EPB41L5: variants seen among roughly 807,000 people sequenced by gnomAD.
EPB41L5 encodes band 4.1-like protein 5.
In EPB41L5, 55 loss-of-function variants were observed where a neutral mutation model predicts 106.6. That is an observed-to-expected ratio of 0.52 (90% CI 0.42 to 0.65). EPB41L5 has a LOEUF of 0.65. Among genes scored for constraint, EPB41L5 ranks in the 30% least tolerant of loss-of-function variants. The pLI is 0.00. For missense variants in EPB41L5, 871 were observed against 882.1 expected (o/e 0.99, Z 0.16); for synonymous variants, 297 against 306.7 (o/e 0.97, Z 0.33).
intron 1 of EPB41L5, 93 bp from the exon 2 acceptor site, chr2:120,018,984 A>C: frequency 9.0e-7 from 1 of 1,113,732 alleles, no homozygotes; most frequent in South Asian, 1.5e-5. Context: ...TAATGTTCAC[A>C]GGACTTGACT....
At chr2:120,110,635 A>ATTTTTTTTTT (rs1234465616) in intron 16 of EPB41L5, among the ~76,000 whole-genome samples, 1 of 118,742 alleles carries the variant, frequency 8.4e-6, no homozygotes, top group Non-Finnish European at 1.8e-5. Flanking sequence ...ACCTTCCCCT[A>ATTTTTTTTTT]TTTTTTTTTT....
chr2:120,095,741 T>C (rs537710902), intron 14 of EPB41L5, among the ~76,000 whole-genome samples: 1 of 152,244 alleles, frequency 6.6e-6, no homozygotes, highest in South Asian at 2.1e-4. Context: ...TGATCTTGGC[T>C]CACTGCAACC....
intron 22 of EPB41L5, among the ~76,000 whole-genome samples, chr2:120,166,971 C>T (rs190401619): frequency 5.3e-4 from 80 of 152,230 alleles, no homozygotes; most frequent in South Asian, 1.5e-3. Context: ...GTTTTTATTG[C>T]GCTTTCTTCA....
chr2:120,168,197 A>G (rs1453897502), intron 24 of EPB41L5, among the ~76,000 whole-genome samples, 190 bp downstream of exon 24: 1 of 152,214 alleles, frequency 6.6e-6, no homozygotes, highest in Non-Finnish European at 1.5e-5. Context: ...TTTCTACAAA[A>G]CTGTATTAGC....
chr2:120,029,438 C>G (rs1357348530), intron 2 of EPB41L5, among the ~76,000 whole-genome samples: 1 of 152,146 alleles, frequency 6.6e-6, no homozygotes, highest in East Asian at 1.9e-4. Flanking sequence ...TGAAGTGATT[C>G]ACCTGCCTCA....
chr2:120,078,451 T>C, intron 9 of EPB41L5, 42 bp from the exon 10 acceptor site: 2 of 1,365,756 alleles, frequency 1.5e-6, no homozygotes, highest in Non-Finnish European at 2.0e-6. Context: ...GAAACCTGTT[T>C]TGTACAAATA....
At chr2:120,118,263 T>C (rs985360514) in intron 16 of EPB41L5, among the ~76,000 whole-genome samples, 6 of 152,236 alleles carry the variant, frequency 3.9e-5, no homozygotes, top group African/African-American at 1.4e-4. Flanking sequence ...AAGAAATTCA[T>C]CATGGTGCTG....
At chr2:120,074,028 C>T (rs1284175428) in intron 4 of EPB41L5, 72 bp from the exon 5 acceptor site, 1 of 1,179,906 alleles carries the variant, frequency 8.5e-7, no homozygotes, top group African/African-American at 1.6e-5. Flanking sequence ...AGATTTTTGA[C>T]CAGTTTTCTG....
At chr2:120,113,681 A>G (rs760939389) in intron 16 of EPB41L5, among the ~76,000 whole-genome samples, 29 of 152,194 alleles carry the variant, frequency 1.9e-4, no homozygotes, top group East Asian at 3.8e-4. Context: ...ATTCCTTCCT[A>G]CTAGCCCCTG....
At chr2:120,013,885 A>G (rs1409468770) in intron 1 of EPB41L5, among the ~76,000 whole-genome samples, 1 of 152,240 alleles carries the variant, frequency 6.6e-6, no homozygotes, top group East Asian at 1.9e-4. Context: ...ATTACGGGGA[A>G]AATTCCCATA....
Position 120,149,764 on chromosome 2 carries a change from G to A in EPB41L5, c.1793+3475G>A, listed in dbSNP as rs79453444. 8.1e-3 allele frequency among the ~76,000 whole-genome samples: 1,230 copies of A among 152,116 alleles called. 14 individuals carry two copies. Among genetic ancestry groups the A allele is most frequent in the African/African-American group, 0.028 (1,166 of 41,498 alleles). On this transcript the variant is annotated intron_variant, in intron 20 of 24. Coordinates refer to ENST00000263713, the MANE Select transcript of EPB41L5 (RefSeq NM_020909.4). ...CTAGAGTAGAATTCCGGAGTCATACGGTAATTCTGCTTTTAACCTTTTAAG... is the reference window on the plus strand; with the variant it reads ...CTAGAGTAGAATTCCGGAGTCATACAGTAATTCTGCTTTTAACCTTTTAAG...
intron 17 of EPB41L5, among the ~76,000 whole-genome samples, chr2:120,130,117 G>C (rs1456986982): frequency 3.6e-5 from 5 of 138,828 alleles, no homozygotes; most frequent in Non-Finnish European, 7.6e-5. Flanking sequence ...CTGTACTCCA[G>C]CCTGGGCAAG....
chr2:120,076,470 C>CTTTT lies in EPB41L5; in HGVS notation c.506-478_506-475dup, dbSNP rs35333671. 1.8e-3 allele frequency among the ~76,000 whole-genome samples: 104 copies of CTTTT among 58,874 alleles called. 9 individuals are homozygous for CTTTT. The highest frequency in any genetic ancestry group is 3.8e-3 in the African/African-American group (50 of 13,050). 38.6% of individuals were successfully genotyped at this position (58,874 alleles called of 152,430 possible). A position where few individuals can be genotyped will look rare whatever the true frequency, so the allele number is the denominator to read the frequency against. On this transcript the variant is annotated intron_variant, in intron 7 of 24. Coordinates refer to ENST00000263713, the MANE Select transcript of EPB41L5 (RefSeq NM_020909.4). ...CCATTAGGCCTGGCTAATTTTTGTACTTTTTTTTTTTTTTTTTTTTTTTTT... is the reference window on the plus strand; with the variant it reads ...CCATTAGGCCTGGCTAATTTTTGTACTTTTTTTTTTTTTTTTTTTTTTTTTTTTT...
chr2:120,093,575 A>G (rs1215012449), intron 14 of EPB41L5, among the ~76,000 whole-genome samples: 1 of 152,248 alleles, frequency 6.6e-6, no homozygotes, highest in Non-Finnish European at 1.5e-5. Flanking sequence ...CTTATACATA[A>G]GAAGCACAAA....
intron 2 of EPB41L5, among the ~76,000 whole-genome samples, chr2:120,027,564 T>C (rs1463836299): frequency 6.6e-6 from 1 of 152,144 alleles, no homozygotes; most frequent in African/African-American, 2.4e-5. Context: ...TTGACAACTA[T>C]AATATATGGA....
chr2:120,052,102 G>GTA (rs1227968839), intron 3 of EPB41L5, among the ~76,000 whole-genome samples: 1 of 152,192 alleles, frequency 6.6e-6, no homozygotes, highest in Admixed American at 6.5e-5. Context: ...TGGGACTACA[G>GTA]GTGTGAGCCA....
rs539168286 is a variant in EPB41L5, at chr2:120,164,755, T to C, written c.1888-81T>C. The C allele has an allele frequency of 1.2e-5, 11 of 921,458 alleles. No homozygotes were observed. In the African/African-American group the frequency reaches 1.3e-4, roughly 11 times the overall value. The allele number at this position is 921,458 out of a possible 1,614,324, so 57.1% of individuals were successfully genotyped here. A position where few individuals can be genotyped will look rare whatever the true frequency, so the allele number is the denominator to read the frequency against. On this transcript the variant is annotated intron_variant, in intron 21 of 24. Coordinates refer to ENST00000263713, the MANE Select transcript of EPB41L5 (RefSeq NM_020909.4). ...ACTAATCAGGCCTGTGTCAGAATTA[T>C]AAATTGAGAGGATATGGAAAAAACT...
rs760892423 is a variant in EPB41L5 at position 120,077,040 on chromosome 2, T to A, written c.575T>A (p.Ile192Asn). 2 of 1,613,386 alleles carry A rather than the reference T, an allele frequency of 1.2e-6. No individual in the cohort carries two copies. Among genetic ancestry groups the A allele is most frequent in the Non-Finnish European group, 1.7e-6 (2 of 1,179,556 alleles). The change falls in exon 8 of 25, where the codon ATT (isoleucine) becomes AAT (asparagine). Residue 192 changes from isoleucine (I) to asparagine (N), a missense_variant. Ile to Asn is a moderately radical substitution (Grantham distance 149). Transcript: ENST00000263713. ...ELVSEFRFVP[I>N]QTEEMELAIF... ...GTCTCAGAGTTCAGATTCGTGCCTA[T>A]TCAGACTGAAGAGATGGAACTGGCT...
chr2:120,156,829 A>G (rs557103081), intron 20 of EPB41L5, among the ~76,000 whole-genome samples: 8 of 152,316 alleles, frequency 5.3e-5, no homozygotes, highest in African/African-American at 1.4e-4. Flanking sequence ...ATACTCCCAC[A>G]CAGTAATAGT....
Sources: allele counts gnomAD v4.1 joint callset (sites outside exome capture counted in the v4.1 genomes callset), GRCh38; gene constraint gnomAD v4.1.1; transcripts MANE v1.5; gene names NCBI Gene and HGNC (gene_info 2026-07-23, HGNC 2026-07-21).